The following CDH13 variants were observed in gnomAD, a reference collection of about 807,000 sequenced individuals.
The protein encoded by CDH13 is cadherin 13.
Under a neutral mutation model 63.8 loss-of-function variants are expected in CDH13, and 24 were observed. The observed-to-expected ratio is 0.38, with a 90% confidence interval of 0.27 to 0.53. The LOEUF is 0.53. CDH13 is among the 20% of genes least tolerant of loss of function. The pLI, the probability that CDH13 is intolerant of heterozygous loss-of-function variation, is 0.85. For synonymous variants in CDH13, 503 were observed against 355.3 expected (o/e 1.42, Z -4.67); for missense variants, 1,049 against 903.1 (o/e 1.16, Z -2.07).
In CDH13 at chr16:83,127,705, C is replaced by T. The variant is rs139702330; in HGVS notation, c.483+2204C>T. Among the ~76,000 whole-genome samples the T allele has an allele frequency of 1.4e-4, 21 of 152,178 alleles. No homozygotes were observed. In the East Asian group the frequency reaches 3.3e-3, roughly 24 times the overall value. Reference sequence around the variant, plus strand: ...TCATGCCAGTGTACTCCAGCATGGGCGACAGGGTGAGACTCTGTGTCAAAC... The same window carrying T: ...TCATGCCAGTGTACTCCAGCATGGGTGACAGGGTGAGACTCTGTGTCAAAC... On this transcript the variant is annotated intron_variant, in intron 4 of 13. Transcript: ENST00000567109.
chr16:82,947,158 G>C (rs547399312), intron 2 of CDH13, among the ~76,000 whole-genome samples: 1 of 152,048 alleles, frequency 6.6e-6, no homozygotes. Flanking sequence ...TAATTTTTAA[G>C]CTTGAGTGAT....
At chr16:82,864,167 C>T (rs1250327804) in intron 2 of CDH13, among the ~76,000 whole-genome samples, 2 of 152,138 alleles carry the variant, frequency 1.3e-5, no homozygotes, top group Non-Finnish European at 2.9e-5. Context: ...TTTTGCTCTT[C>T]ACTTTTCTGA....
intron 7 of CDH13, among the ~76,000 whole-genome samples, chr16:83,555,180 T>G (rs1412794697): frequency 6.6e-6 from 1 of 152,186 alleles, no homozygotes; most frequent in Middle Eastern, 3.2e-3. Context: ...TTTTCCATGT[T>G]GCAGAGTGAC....
chr16:82,971,797 G>T (rs1283970789), intron 2 of CDH13, among the ~76,000 whole-genome samples: 3 of 152,192 alleles, frequency 2.0e-5, no homozygotes, highest in Non-Finnish European at 4.4e-5. Flanking sequence ...AACTGCCTGT[G>T]CCCCTTAAAT....
intron 4 of CDH13, among the ~76,000 whole-genome samples, chr16:83,200,965 G>GTC (rs1555511862): frequency 0.014 from 2,075 of 144,460 alleles, 27 homozygotes; most frequent in African/African-American, 0.021. Flanking sequence ...GTGTGTGTGT[G>GTC]TGTGTGTTAT....
At chr16:83,685,799 G>A (rs1368517174) in intron 10 of CDH13, among the ~76,000 whole-genome samples, 1 of 152,206 alleles carries the variant, frequency 6.6e-6, no homozygotes, top group Non-Finnish European at 1.5e-5. Flanking sequence ...CAGATGGCTG[G>A]ATTCCGCCAG....
intron 3 of CDH13, among the ~76,000 whole-genome samples, chr16:83,045,700 G>T (rs1409773880): frequency 1.4e-5 from 2 of 145,936 alleles, no homozygotes; most frequent in African/African-American, 5.1e-5. Context: ...CATCTCCAAT[G>T]ATGAGAAAAT....
chr16:82,858,436 G>C lies in CDH13; in HGVS notation c.120G>C (p.Gln40His). ...GFQQKVFHIN[Q>H]PAEFIEDQSI... ...AGCAGAAAGTGTTCCATATCAATCA[G>C]CCAGCTGAATTCATTGAGGACCAGT... The change falls in exon 2 of 14, where the codon CAG becomes CAC. Residue 40 changes from glutamine to histidine, a missense_variant. Gln to His is a conservative substitution (Grantham distance 24). Transcript: ENST00000567109. 3 of 1,613,406 alleles carry C rather than the reference G, an allele frequency of 1.9e-6. No homozygotes were observed. The highest frequency in any genetic ancestry group is 2.5e-6 in the Non-Finnish European group (3 of 1,179,362).
At chr16:83,054,944 G>T (rs1209036120) in intron 3 of CDH13, among the ~76,000 whole-genome samples, 1 of 152,050 alleles carries the variant, frequency 6.6e-6, no homozygotes, top group Non-Finnish European at 1.5e-5. Context: ...GCTGGTCATA[G>T]AGTACATCCA....
At chr16:82,693,185 G>A (rs1327736521) in intron 1 of CDH13, among the ~76,000 whole-genome samples, 1 of 152,204 alleles carries the variant, frequency 6.6e-6, no homozygotes, top group Non-Finnish European at 1.5e-5. Flanking sequence ...AGACCTGGAT[G>A]ATCCTTTGAA....
intron 5 of CDH13, among the ~76,000 whole-genome samples, chr16:83,272,160 C>T (rs1042973411): frequency 6.6e-6 from 1 of 152,016 alleles, no homozygotes; most frequent in African/African-American, 2.4e-5. Context: ...GATGCAATGG[C>T]AAATAAGATG....
In CDH13 at chr16:83,469,193, A is replaced by G. The variant is rs575963700; in HGVS notation, c.782-17284A>G. Among the ~76,000 whole-genome samples the G allele has an allele frequency of 3.3e-5, 5 of 152,280 alleles. No individual in the cohort carries two copies. The South Asian group carries it at 1.0e-3, about 32-fold the overall frequency. ...GCAGCTGCTAAGGGCTTTTCAACTC[A>G]GTGTTTTTTCAGCTTGACTTGCAAA... On this transcript the variant is annotated intron_variant, in intron 6 of 13. Coordinates refer to ENST00000567109, the MANE Select transcript of CDH13 (RefSeq NM_001257.5).
At chr16:82,710,721 T>C (rs1225176838) in intron 1 of CDH13, among the ~76,000 whole-genome samples, 1 of 146,638 alleles carries the variant, frequency 6.8e-6, no homozygotes, top group Non-Finnish European at 1.5e-5. Flanking sequence ...ATATATTGTA[T>C]GTTTATAAAA....
chr16:83,218,282 C>A (rs1469852814), intron 5 of CDH13, among the ~76,000 whole-genome samples: 2 of 152,122 alleles, frequency 1.3e-5, no homozygotes, highest in African/African-American at 4.8e-5. Flanking sequence ...GTAGTAAAGT[C>A]CCCACCCTCC....
chr16:83,490,619 T>C (rs2073993108), intron 7 of CDH13, among the ~76,000 whole-genome samples: 1 of 152,128 alleles, frequency 6.6e-6, no homozygotes, highest in African/African-American at 2.4e-5. Flanking sequence ...AACATGCAAT[T>C]TGTGGGATGA....
intron 8 of CDH13, among the ~76,000 whole-genome samples, chr16:83,655,625 G>T (rs72795382): frequency 2.0e-5 from 3 of 152,332 alleles, no homozygotes; most frequent in Non-Finnish European, 2.9e-5. Context: ...CCATGGAAAA[G>T]GCTCTGGATT....
At chr16:83,138,823 A>G (rs1487454121) in intron 4 of CDH13, among the ~76,000 whole-genome samples, 1 of 152,040 alleles carries the variant, frequency 6.6e-6, no homozygotes, top group East Asian at 1.9e-4. Flanking sequence ...GAGGGTGACG[A>G]AGGGCTCCCG....
intron 1 of CDH13, among the ~76,000 whole-genome samples, chr16:82,658,419 T>C (rs976396189): frequency 2.0e-5 from 3 of 152,236 alleles, no homozygotes; most frequent in Non-Finnish European, 2.9e-5. Context: ...CAACAAGCCT[T>C]GCATACCTGT....
At chr16:83,748,037 C>T (rs1422158480) in intron 10 of CDH13, 71 bp from the exon 11 acceptor site, 2 of 1,538,384 alleles carry the variant, frequency 1.3e-6, no homozygotes, top group Admixed American at 1.7e-5. Context: ...GGAGCTCATG[C>T]CCTGCACTCT....
Sources: allele counts gnomAD v4.1 joint callset (sites outside exome capture counted in the v4.1 genomes callset), GRCh38; gene constraint gnomAD v4.1.1; transcripts MANE v1.5; gene names NCBI Gene and HGNC (gene_info 2026-07-23, HGNC 2026-07-21).